The following GRIN3A variants were observed in gnomAD, a reference collection of about 807,000 sequenced individuals.
The protein encoded by GRIN3A is glutamate ionotropic receptor NMDA type subunit 3A.
GRIN3A carries 47 observed loss-of-function variants against 92.4 expected under a neutral mutation model. That is an observed-to-expected ratio of 0.51 (90% CI 0.40 to 0.65). The LOEUF is 0.65. Among genes scored for constraint, GRIN3A ranks in the 30% least tolerant of loss-of-function variants. The pLI is 0.00. For missense variants in GRIN3A, 1,324 were observed against 1,393.1 expected, an observed-to-expected ratio of 0.95 and a Z score of 0.79; for synonymous variants, 527 against 540.6, an observed-to-expected ratio of 0.97 and a Z score of 0.35.
intron 1 of GRIN3A, among the ~76,000 whole-genome samples, chr9:101,714,658 C>T (rs1054224252): frequency 5.9e-5 from 9 of 151,992 alleles, no homozygotes; most frequent in African/African-American, 1.9e-4. Context: ...AAGAATTATG[C>T]CCCTAAGAAA....
intron 6 of GRIN3A, among the ~76,000 whole-genome samples, chr9:101,581,875 AGGC>A (rs1827891933): frequency 6.6e-6 from 1 of 152,224 alleles, no homozygotes; most frequent in Admixed American, 6.5e-5. Context: ...AATATGTGTA[AGGC>A]ACAATTCTGA....
chr9:101,663,731 C>T (rs932983287), intron 3 of GRIN3A, among the ~76,000 whole-genome samples: 7 of 151,800 alleles, frequency 4.6e-5, no homozygotes, highest in African/African-American at 1.7e-4. Context: ...CTTGCCCTCA[C>T]AGCATGTCTA....
At chr9:101,687,925 A>G (rs1203378832) in intron 1 of GRIN3A, among the ~76,000 whole-genome samples, 3 of 152,196 alleles carry the variant, frequency 2.0e-5, no homozygotes, top group Non-Finnish European at 2.9e-5. Context: ...ATGGAAGAAG[A>G]GAAACTTATT....
chr9:101,677,023 CTTTTT>C (rs775778979), intron 2 of GRIN3A, among the ~76,000 whole-genome samples: 1 of 144,996 alleles, frequency 6.9e-6, no homozygotes, highest in African/African-American at 2.5e-5. Context: ...CTTATGTAGT[CTTTTT>C]TTTTTTTCTG....
At chr9:101,663,632 G>A (rs1699784830) in intron 3 of GRIN3A, among the ~76,000 whole-genome samples, 1 of 151,690 alleles carries the variant, frequency 6.6e-6, no homozygotes, top group Non-Finnish European at 1.5e-5. Context: ...CAATAAAGGC[G>A]TTTTTTCTTA....
At chr9:101,586,318 C>A (rs1239884584) in intron 6 of GRIN3A, among the ~76,000 whole-genome samples, 1 of 152,168 alleles carries the variant, frequency 6.6e-6, no homozygotes, top group Admixed American at 6.5e-5. Context: ...TTGCTCGATA[C>A]ATACTCTTGT....
chr9:101,736,095 A>G (rs1830201854), intron 1 of GRIN3A, among the ~76,000 whole-genome samples: 1 of 152,240 alleles, frequency 6.6e-6, no homozygotes, highest in Non-Finnish European at 1.5e-5. Flanking sequence ...CACATATATC[A>G]GAAGTGGAAG....
chr9:101,704,535 G>A (rs1023845866), intron 1 of GRIN3A, among the ~76,000 whole-genome samples: 2 of 152,002 alleles, frequency 1.3e-5, no homozygotes, highest in African/African-American at 4.8e-5. Flanking sequence ...ACTATACTTC[G>A]AATTTTGAAT....
chr9:101,710,056 G>A (rs889927917), intron 1 of GRIN3A, among the ~76,000 whole-genome samples: 2 of 152,060 alleles, frequency 1.3e-5, no homozygotes, highest in South Asian at 2.1e-4. Flanking sequence ...AGAGAACTCC[G>A]GGTGAATCTC....
intron 5 of GRIN3A, among the ~76,000 whole-genome samples, chr9:101,616,706 A>T (rs1340763411): frequency 7.7e-6 from 1 of 129,482 alleles, no homozygotes; most frequent in Non-Finnish European, 1.6e-5. Flanking sequence ...TCACATGGAC[A>T]CAGGAAGGGG....
intron 1 of GRIN3A, among the ~76,000 whole-genome samples, chr9:101,717,440 T>C (rs1055543325): frequency 2.0e-5 from 3 of 152,166 alleles, no homozygotes; most frequent in African/African-American, 7.2e-5. Context: ...ATTATCTGGG[T>C]GCTGCTAACA....
chr9:101,669,852 A>G (rs1829293687), intron 3 of GRIN3A, among the ~76,000 whole-genome samples: 1 of 152,244 alleles, frequency 6.6e-6, no homozygotes, highest in South Asian at 2.1e-4. Context: ...GACACTCCCC[A>G]AAACTTCTCA....
chr9:101,723,211 G>A (rs1329051621), intron 1 of GRIN3A, among the ~76,000 whole-genome samples: 1 of 152,132 alleles, frequency 6.6e-6, no homozygotes, highest in African/African-American at 2.4e-5. Flanking sequence ...AGCTCTTAAG[G>A]TGGCGCGTCT....
At chr9:101,665,429 C>T (rs2146800) in intron 3 of GRIN3A, among the ~76,000 whole-genome samples, 50,936 of 151,388 alleles carry the variant, frequency 0.34, 9,393 homozygotes, top group Non-Finnish European at 0.41. Context: ...AGAGCATTAA[C>T]GGGGAAGCAC....
At chr9:101,678,972 G>T (rs934526965) in intron 2 of GRIN3A, among the ~76,000 whole-genome samples, 1 of 152,042 alleles carries the variant, frequency 6.6e-6, no homozygotes, top group Non-Finnish European at 1.5e-5. Flanking sequence ...TATGATCTCT[G>T]CCTAGCCCTT....
In GRIN3A at chr9:101,687,631, G is replaced by T. The variant is rs1255512864; in HGVS notation, c.700-431C>A. 2.0e-5 allele frequency among the ~76,000 whole-genome samples: 3 copies of T among 152,162 alleles called. No homozygotes were observed. In the East Asian group the frequency reaches 5.8e-4, roughly 29 times the overall value. ...TGTTTCTTTTTAAAATTAATGGCAG[G>T]AAATCTTAGCAAAATGCAGGTATTT... On this transcript the variant is annotated intron_variant, in intron 1 of 8. Coordinates refer to ENST00000361820, the MANE Select transcript of GRIN3A (RefSeq NM_133445.3).
At chr9:101,729,336 AT>A (rs1830113781) in intron 1 of GRIN3A, among the ~76,000 whole-genome samples, 1 of 152,134 alleles carries the variant, frequency 6.6e-6, no homozygotes, top group African/African-American at 2.4e-5. Context: ...AGTCTGAAAT[AT>A]GTTTTGCTGG....
rs534330972 is a variant in GRIN3A at position 101,615,194 on chromosome 9, T to TAAA, written c.2615-1670_2615-1668dup. Among the ~76,000 whole-genome samples, 116 of 133,932 alleles carry TAAA rather than the reference T, an allele frequency of 8.7e-4. 1 individual carries two copies. The highest frequency in any genetic ancestry group is 2.9e-3 in the Admixed American group (38 of 12,956). The allele number at this position is 133,932 out of a possible 152,430, so 87.9% of individuals were successfully genotyped here. A position where few individuals can be genotyped will look rare whatever the true frequency, so the allele number is the denominator to read the frequency against. ...TTGTTTTAGCTATTGGACAGAATAG[T>TAAA]AAAAAAAAAAACCCAAACCCTTTTT... is the stretch of plus-strand genomic sequence containing the variant. On this transcript the variant is annotated intron_variant, in intron 5 of 8. Transcript: ENST00000361820.
At chr9:101,584,326 T>G (rs1827923881) in intron 6 of GRIN3A, among the ~76,000 whole-genome samples, 1 of 152,248 alleles carries the variant, frequency 6.6e-6, no homozygotes, top group Non-Finnish European at 1.5e-5. Flanking sequence ...TTATATTCAT[T>G]ATGTTTCTTT....
Sources: gnomAD v4.1 joint callset for allele counts (sites outside exome capture counted in the v4.1 genomes callset) on GRCh38, gnomAD v4.1.1 for gene constraint, MANE v1.5 for transcripts, NCBI Gene and HGNC (gene_info 2026-07-23, HGNC 2026-07-21) for gene names.